Variants in CLDN16 observed in about 807,000 individuals in gnomAD.
The protein encoded by CLDN16 is claudin 16.
A neutral mutation model predicts 24.6 loss-of-function variants in CLDN16; 13 were observed. The observed-to-expected ratio is 0.53, with a 90% CI of 0.34 to 0.84. The LOEUF (loss-of-function observed/expected upper bound fraction) is 0.84. Ranked by LOEUF, CLDN16 falls within the 40% of genes least tolerant of loss-of-function variation. CLDN16 has a pLI of 0.01. For missense variants in CLDN16, 298 were observed against 292.7 expected (o/e 1.02, Z -0.13); for synonymous variants, 116 against 106.7 (o/e 1.09, Z -0.54).
chr3:190,393,884 G>A (rs886911246), intron 1 of CLDN16, among the ~76,000 whole-genome samples: 6 of 151,504 alleles, frequency 4.0e-5, no homozygotes, highest in South Asian at 2.1e-4. Context: ...CTGAGTAGCC[G>A]GGACTACAGG....
At chr3:190,297,032 C>T in the CLDN16 span, among the ~76,000 whole-genome samples, 2 of 152,010 alleles carry the variant, frequency 1.3e-5, no homozygotes, top group African/African-American at 4.8e-5. Flanking sequence ...GACTGTCTTA[C>T]TCATCTCTTT....
At chr3:190,378,613 C>T (rs148668636) in intron 3 of CLDN16, among the ~76,000 whole-genome samples, 56 of 152,152 alleles carry the variant, frequency 3.7e-4, no homozygotes, top group African/African-American at 1.3e-3. Context: ...TGAGTTCTTA[C>T]GTATGAGTCC....
At chr3:190,298,520 A>G in the CLDN16 span, among the ~76,000 whole-genome samples, 3 of 144,536 alleles carry the variant, frequency 2.1e-5, no homozygotes, top group Non-Finnish European at 3.0e-5. Flanking sequence ...CAATGGCGTG[A>G]TCTCTGCTCA....
chr3:190,369,888 C>T (rs1470539993), intron 1 of CLDN16, among the ~76,000 whole-genome samples: 1 of 151,848 alleles, frequency 6.6e-6, no homozygotes, highest in African/African-American at 2.4e-5. Flanking sequence ...TATTATTTTC[C>T]CTTGCTTGAG....
intron 1 of CLDN16, among the ~76,000 whole-genome samples, chr3:190,351,110 T>TC (rs542572098): frequency 2.0e-5 from 3 of 151,082 alleles, no homozygotes; most frequent in African/African-American, 4.9e-5. Context: ...GACTGTGCAC[T>TC]CCCCCCCACC....
At chr3:190,399,622 C>A (rs1718911489) in intron 1 of CLDN16, among the ~76,000 whole-genome samples, 1 of 152,028 alleles carries the variant, frequency 6.6e-6, no homozygotes, top group African/African-American at 2.4e-5. Context: ...TATAGTGATC[C>A]CATTAGGGTA....
the CLDN16 span, chr3:190,310,241 A>G: frequency 6.2e-7 from 1 of 1,613,284 alleles, no homozygotes; most frequent in Non-Finnish European, 8.5e-7. Flanking sequence ...TGTGGCAACT[A>G]AAATAGCCAG....
At chr3:190,367,280 A>G (rs1292531989) in intron 1 of CLDN16, among the ~76,000 whole-genome samples, 1 of 151,988 alleles carries the variant, frequency 6.6e-6, no homozygotes, top group Admixed American at 6.6e-5. Flanking sequence ...AGAAAGCAAG[A>G]TAATCATTAC....
intron 1 of CLDN16, among the ~76,000 whole-genome samples, chr3:190,348,359 G>GTT (rs1445826856): frequency 6.8e-6 from 1 of 147,970 alleles, no homozygotes; most frequent in African/African-American, 2.5e-5. Context: ...GTGTGTGTGT[G>GTT]TGTGTGGTGT....
At chr3:190,319,670 C>A (rs1389583850), upstream of CLDN16, among the ~76,000 whole-genome samples, 1 of 152,148 alleles carries the variant, frequency 6.6e-6, no homozygotes, top group Non-Finnish European at 1.5e-5. Context: ...TTCGGGAAAC[C>A]CACAGCTAAG....
At chr3:190,314,402 T>A in the CLDN16 span, among the ~76,000 whole-genome samples, 3 of 152,144 alleles carry the variant, frequency 2.0e-5, no homozygotes, top group African/African-American at 4.8e-5. Context: ...TCTCTTTATT[T>A]TTCTTTTTTT....
chr3:190,387,978 T>C, upstream of CLDN16: 1 of 751,150 alleles, frequency 1.3e-6, no homozygotes, highest in South Asian at 1.6e-5. Flanking sequence ...TCCCCCGTCT[T>C]GGCACTGGCA....
At chr3:190,381,127 G>T (rs959662500) in intron 3 of CLDN16, among the ~76,000 whole-genome samples, 2 of 152,092 alleles carry the variant, frequency 1.3e-5, no homozygotes, top group African/African-American at 4.8e-5. Context: ...TAGAAGATAG[G>T]GAGGTGACGC....
chr3:190,409,338 G>T (rs1321906577), intron 4 of CLDN16, among the ~76,000 whole-genome samples: 1 of 143,684 alleles, frequency 7.0e-6, no homozygotes, highest in East Asian at 2.0e-4. Flanking sequence ...ATGTATATTA[G>T]AATTATACAT....
At chr3:190,296,711 G>A in the CLDN16 span, among the ~76,000 whole-genome samples, 3 of 151,878 alleles carry the variant, frequency 2.0e-5, no homozygotes, top group South Asian at 6.3e-4. Flanking sequence ...CACCACGCCC[G>A]GCTAATTTTT....
chr3:190,376,385 T>C (rs926947728), intron 3 of CLDN16, among the ~76,000 whole-genome samples: 2 of 151,192 alleles, frequency 1.3e-5, no homozygotes, highest in South Asian at 2.1e-4. Context: ...AGTCACAAAA[T>C]TGAAAAAAAA....
At chr3:190,303,826 C>T in the CLDN16 span, among the ~76,000 whole-genome samples, 41 of 152,040 alleles carry the variant, frequency 2.7e-4, no homozygotes, top group Non-Finnish European at 4.3e-4. Flanking sequence ...AGATCATTTG[C>T]CAAAGAAACA....
intron 1 of CLDN16, among the ~76,000 whole-genome samples, chr3:190,364,801 G>C (rs1463959925): frequency 1.3e-5 from 2 of 151,530 alleles, no homozygotes; most frequent in Non-Finnish European, 2.9e-5. Flanking sequence ...GGAATATGCT[G>C]TCTCAAAGAG....
chr3:190,333,263 G>T (rs1476521926), intron 1 of CLDN16, among the ~76,000 whole-genome samples: 3 of 152,008 alleles, frequency 2.0e-5, no homozygotes, highest in African/African-American at 7.2e-5. Flanking sequence ...GGAACTCTAA[G>T]GATCCACAAC....
Sources: allele counts gnomAD v4.1 joint callset (sites outside exome capture counted in the v4.1 genomes callset), GRCh38; gene constraint gnomAD v4.1.1; transcripts MANE v1.5; gene names NCBI Gene and HGNC (gene_info 2026-07-23, HGNC 2026-07-21).